Variants in PCDHGA4 observed in about 807,000 individuals in gnomAD.
PCDHGA4 encodes the protein protocadherin gamma-A4.
PCDHGA4 carries 38 observed loss-of-function variants against 54.6 expected under a neutral mutation model. The ratio of observed to expected loss-of-function variants is 0.70; its 90% CI spans 0.54 to 0.91. The LOEUF is 0.91. Among genes scored for constraint, PCDHGA4 ranks in the 40% least tolerant of loss-of-function variants. PCDHGA4 has a pLI of 0.00. For synonymous variants in PCDHGA4, 511 were observed against 512.9 expected (o/e 1.00, Z 0.05); for missense variants, 1,298 against 1,220.9 (o/e 1.06, Z -0.94).
At chr5:141,494,768 C>T (rs758949982) in intron 1 of PCDHGA4, 39 bp from the exon 2 acceptor site, 1 of 1,614,060 alleles carries the variant, frequency 6.2e-7, no homozygotes, top group South Asian at 1.1e-5. Flanking sequence ...TCTAACTTCT[C>T]ACGGGTACTC....
At chr5:141,498,012 A>T (rs184213306) in intron 2 of PCDHGA4, among the ~76,000 whole-genome samples, 6 of 152,348 alleles carry the variant, frequency 3.9e-5, no homozygotes, top group Non-Finnish European at 8.8e-5. Context: ...CAGTGCACTG[A>T]AGGAGACAAA....
intron 1 of PCDHGA4, chr5:141,412,395 T>G (rs941350125): frequency 1.3e-5 from 2 of 152,246 alleles, no homozygotes; most frequent in African/African-American, 4.8e-5. Flanking sequence ...ATTTAACTTG[T>G]ATCCCTGTAA....
chr5:141,477,506 G>T lies in PCDHGA4; in HGVS notation c.2515-17301G>T, dbSNP rs766083208. 6.2e-7 allele frequency: 1 copy of T among 1,614,028 alleles called. No homozygotes were observed. The highest frequency in any genetic ancestry group is 8.5e-7 in the Non-Finnish European group (1 of 1,180,016). On this transcript the variant is annotated intron_variant, in intron 1 of 3. Coordinates refer to ENST00000571252, the MANE Select transcript of PCDHGA4 (RefSeq NM_018917.4). This position sits in a 1 kb window ranked among gnomAD's most constrained non-coding sequence, Gnocchi z 4.9. ...ACAATCTTCTCAATCTTCCTACGAC[G>T]TTTACATTGAAGAAAACAACCTCCC...
chr5:141,433,220 T>A (rs781745522), intron 1 of PCDHGA4: 2 of 1,509,720 alleles, frequency 1.3e-6, no homozygotes, highest in Non-Finnish European at 1.8e-6. Flanking sequence ...TTTTTTTTTT[T>A]AATTGCTCTG....
chr5:141,358,067 G>A (rs78973624), intron 1 of PCDHGA4, among the ~76,000 whole-genome samples: 2,212 of 152,258 alleles, frequency 0.015, 49 homozygotes, highest in African/African-American at 0.049. Context: ...GTGTGTGCCC[G>A]TAGTCCCAGC....
At chr5:141,374,285 T>A in intron 1 of PCDHGA4, 1 of 1,613,970 alleles carries the variant, frequency 6.2e-7, no homozygotes. Flanking sequence ...CCGCATCGTC[T>A]CCAGAGGTAG....
In PCDHGA4 at chr5:141,477,442, A is replaced by G; in HGVS notation, c.2515-17365A>G. The G allele has an allele frequency of 6.2e-7, 1 of 1,614,132 alleles. No individual in the cohort carries two copies. Among genetic ancestry groups the G allele is most frequent in the Non-Finnish European group, 8.5e-7 (1 of 1,180,022 alleles). ...CCCCTTCCCTCTCAGCCCTTACAAT[A>G]GTGCGTGTTCAAGTGTCCGACATCA... On this transcript the variant is annotated intron_variant, in intron 1 of 3. Coordinates refer to ENST00000571252, the MANE Select transcript of PCDHGA4 (RefSeq NM_018917.4). This position sits in a 1 kb window ranked among gnomAD's most constrained non-coding sequence, Gnocchi z 4.9.
At chr5:141,452,201 T>G (rs552947721) in intron 1 of PCDHGA4, among the ~76,000 whole-genome samples, 131 of 152,376 alleles carry the variant, frequency 8.6e-4, no homozygotes, top group Middle Eastern at 6.8e-3. Context: ...TTGTTTTAGA[T>G]GTTACCAATA....
At chr5:141,499,007 AG>A (rs2099788320) in intron 2 of PCDHGA4, among the ~76,000 whole-genome samples, 1 of 151,128 alleles carries the variant, frequency 6.6e-6, no homozygotes, top group Non-Finnish European at 1.5e-5. Flanking sequence ...GAAGGAAGGA[AG>A]GAAGGAAGGA....
intron 1 of PCDHGA4, chr5:141,400,713 T>C: frequency 1.5e-6 from 1 of 686,914 alleles, no homozygotes; most frequent in South Asian, 2.0e-5. Context: ...GAAGTAGCCT[T>C]ATAGATTTAC....
chr5:141,395,341 G>C, intron 1 of PCDHGA4: 1 of 1,409,696 alleles, frequency 7.1e-7, no homozygotes. Context: ...AATTTTTAAG[G>C]TGTATCACAG....
Position 141,357,170 on chromosome 5 carries a change from C to A in PCDHGA4, c.2063C>A (p.Thr688Asn), listed in dbSNP as rs1760495778. The change falls in exon 1 of 4, where the codon ACC (threonine) becomes AAC (asparagine). Residue 688 changes from threonine to asparagine, a missense_variant. Thr to Asn is a moderately conservative substitution (Grantham distance 65). Coordinates refer to ENST00000571252, the MANE Select transcript of PCDHGA4 (RefSeq NM_018917.4). ...QDHGQPPLSA[T>N]VTLTVAVADS... ...CATGGCCAGCCCCCTCTCTCGGCCACCGTCACACTCACTGTGGCTGTGGCC... is the reference window on the plus strand; with the variant it reads ...CATGGCCAGCCCCCTCTCTCGGCCAACGTCACACTCACTGTGGCTGTGGCC... 6.2e-7 allele frequency: 1 copy of A among 1,613,716 alleles called. No individual in the cohort carries two copies. The highest frequency in any genetic ancestry group is 1.1e-5 in the South Asian group (1 of 91,082).
intron 1 of PCDHGA4, chr5:141,409,213 C>A (rs1379007048): frequency 6.2e-7 from 1 of 1,613,994 alleles, no homozygotes; most frequent in East Asian, 2.2e-5. Context: ...TCATAGAAAT[C>A]CTTGATGAAA....
chr5:141,394,860 G>A, intron 1 of PCDHGA4: 1 of 1,613,792 alleles, frequency 6.2e-7, no homozygotes, highest in African/African-American at 1.3e-5. Flanking sequence ...GCCTTCGGTC[G>A]ACCCGAACGA....
rs775898365 is a variant in PCDHGA4 at position 141,476,425 on chromosome 5, T to C, written c.2515-18382T>C. On this transcript the variant is annotated intron_variant, in intron 1 of 3. Transcript: ENST00000571252. This position sits in a 1 kb window ranked among gnomAD's most constrained non-coding sequence, Gnocchi z 7.6. ...AGGAGCTGTGTGGGACACTGCCCTC[T>C]TGCACTGTAACTCTGGAGTTGGTAG... is the stretch of plus-strand genomic sequence containing the variant. The C allele has an allele frequency of 1.2e-6, 2 of 1,614,108 alleles. No homozygotes were observed. Among genetic ancestry groups the C allele is most frequent in the East Asian group, 4.5e-5 (2 of 44,848 alleles).
At chr5:141,423,210 C>T in intron 1 of PCDHGA4, 2 of 1,613,696 alleles carry the variant, frequency 1.2e-6, no homozygotes, top group Non-Finnish European at 1.7e-6. Flanking sequence ...CCGTCACGCT[C>T]ACCGTGGCTG....
At chr5:141,376,494 C>G (rs1343101587) in intron 1 of PCDHGA4, 12 of 1,614,004 alleles carry the variant, frequency 7.4e-6, no homozygotes, top group Non-Finnish European at 1.0e-5. Context: ...AAAGGAGAAC[C>G]CAGGCAACTT....
At chr5:141,380,058 C>T (rs1231461261) in intron 1 of PCDHGA4, among the ~76,000 whole-genome samples, 2 of 151,888 alleles carry the variant, frequency 1.3e-5, no homozygotes, top group Admixed American at 1.3e-4. Context: ...TGCCACCATG[C>T]CTAGCTAATT....
rs2099389707 is a variant in PCDHGA4, at chr5:141,476,358, G to A, written c.2515-18449G>A. On this transcript the variant is annotated intron_variant, in intron 1 of 3. Transcript: ENST00000571252. This position sits in a 1 kb window ranked among gnomAD's most constrained non-coding sequence, Gnocchi z 7.6. ...AGCCGAAGATTCTTTGAGGTGAACC[G>A]GGAGACCGGAGAGATGTTTGTGAAC... 6.2e-7 allele frequency: 1 copy of A among 1,614,134 alleles called. No individual in the cohort carries two copies. The highest frequency in any genetic ancestry group is 8.5e-7 in the Non-Finnish European group (1 of 1,180,022).
Sources: gnomAD v4.1 joint callset for allele counts (sites outside exome capture counted in the v4.1 genomes callset) on GRCh38, gnomAD v4.1.1 for gene constraint, Gnocchi (gnomAD v3.1) non-coding constraint, MANE v1.5 for transcripts, NCBI Gene and HGNC (gene_info 2026-07-23, HGNC 2026-07-21) for gene names.